Variants in BRCA2 observed in about 807,000 individuals in gnomAD.
BRCA2 encodes the protein breast cancer type 2 susceptibility protein.
A neutral mutation model predicts 276.7 loss-of-function variants in BRCA2; 203 were observed. The observed-to-expected ratio is 0.73, with a 90% CI of 0.65 to 0.82. The LOEUF (loss-of-function observed/expected upper bound fraction) is 0.82. Ranked by LOEUF, BRCA2 falls within the 40% of genes least tolerant of loss-of-function variation. The pLI is 0.00. For missense variants in BRCA2, 3,920 were observed against 3,915.0 expected (o/e 1.00, Z -0.03); for synonymous variants, 1,289 against 1,338.4 (o/e 0.96, Z 0.81).
In BRCA2 at chr13:32,337,283, C is replaced by T. The variant is rs1201111359; in HGVS notation, c.2928C>T (p.Ser976=). 1 of 1,612,290 alleles carries T rather than the reference C, an allele frequency of 6.2e-7. No homozygotes were observed. The highest frequency in any genetic ancestry group is 8.5e-7 in the Non-Finnish European group (1 of 1,179,526). The change falls in exon 11 of 27, where the codon TCC becomes TCT. Residue 976 remains serine, a synonymous_variant. Coordinates refer to ENST00000380152, the MANE Select transcript of BRCA2 (RefSeq NM_000059.4). ...TLGQDLKSDI[S]LNIDKIPEKN... is the part of the protein sequence containing the mutation. ...GTCAAGATTTAAAATCGGACATCTC[C>T]TTGAATATAGATAAAATACCAGAAA...
intron 21 of BRCA2, 69 bp downstream of exon 21, chr13:32,376,860 C>G (rs2137613984): frequency 6.3e-7 from 1 of 1,586,484 alleles, no homozygotes; most frequent in South Asian, 1.1e-5. Flanking sequence ...TTTAGACTCT[C>G]TGGCCATCAC....
Position 32,362,648 on chromosome 13 carries a change from A to G in BRCA2, c.7931A>G (p.Asn2644Ser), listed in dbSNP as rs80359020. 3.7e-6 allele frequency: 6 copies of G among 1,614,116 alleles called. No homozygotes were observed. Among genetic ancestry groups the G allele is most frequent in the Admixed American group, 1.7e-5 (1 of 60,012 alleles). Reference sequence around the variant, plus strand: ...TGTGCCTTTCCTAAGGAATTTGCTAATAGATGCCTAAGCCCAGAAAGGGTG... The same window carrying G: ...TGTGCCTTTCCTAAGGAATTTGCTAGTAGATGCCTAAGCCCAGAAAGGGTG... ...MECAFPKEFA[N>S]RCLSPERVLL... Residue 2644 changes from asparagine (N) to serine (S), a missense_variant, in exon 17 of 27, where the codon AAT becomes AGT. Physicochemically the swap from Asn to Ser is conservative, Grantham distance 46. This residue lies in a region of BRCA2 where 3,263 missense variants were observed against 3,156.9 expected (regional missense o/e 1.03). Coordinates refer to ENST00000380152, the MANE Select transcript of BRCA2 (RefSeq NM_000059.4).
rs2138697797 is a variant in BRCA2 at position 32,316,441 on chromosome 13, G to A, written c.-20G>A. The A allele has an allele frequency of 6.2e-7, 1 of 1,608,012 alleles. No homozygotes were observed. Among genetic ancestry groups the A allele is most frequent in the Non-Finnish European group, 8.5e-7 (1 of 1,174,488 alleles). ...TTGCAGACTTATTTACCAAGCATTG[G>A]AGGAATATCGTAGGTAAAAATGCCT... On this transcript the variant is annotated 5_prime_UTR_variant, in exon 2 of 27. Transcript: ENST00000380152.
Position 32,339,156 on chromosome 13 carries a change from G to C in BRCA2, c.4801G>C (p.Asp1601His), listed in dbSNP as rs748358660. ...AGAAATGCAGAATTCTCTCAATAAT[G>C]ATAAAAACCTTGTTTCTATTGAGAC... ...CKEMQNSLNN[D>H]KNLVSIETVV... The change falls in exon 11 of 27, where the codon GAT becomes CAT. Residue 1601 changes from aspartate to histidine, a missense_variant. By Grantham distance (81) the Asp-to-His change is moderately conservative. Around this residue, in one of 2 missense-constraint regions of BRCA2, gnomAD observed 3,263 missense variants for 3,156.9 expected, o/e 1.03. Transcript: ENST00000380152. 1.2e-6 allele frequency: 2 copies of C among 1,613,862 alleles called. No homozygotes were observed. The highest frequency in any genetic ancestry group is 1.7e-6 in the Non-Finnish European group (2 of 1,179,890).
At position 32,337,559 on chromosome 13, in the gene BRCA2, A is replaced by G. The variant is rs1593898891; in HGVS notation, c.3204A>G (p.Val1068=). 1.2e-6 allele frequency: 2 copies of G among 1,607,296 alleles called. No homozygotes were observed. The highest frequency in any genetic ancestry group is 8.5e-7 in the Non-Finnish European group (1 of 1,176,504). ...GCAAGCCTCAGTCAATTAATACTGT[A>G]TCTGCACATTTACAGAGTAGTGTAG... is the stretch of plus-strand genomic sequence containing the variant. ...KLSKPQSINT[V]SAHLQSSVVV... The change falls in exon 11 of 27, where the codon GTA becomes GTG. Residue 1068 remains valine, a synonymous_variant. Transcript: ENST00000380152.
intron 2 of BRCA2, among the ~76,000 whole-genome samples, chr13:32,317,933 A>G (rs2072275482): frequency 1.3e-5 from 2 of 152,252 alleles, no homozygotes; most frequent in Non-Finnish European, 2.9e-5. Context: ...TTTTCTAGGC[A>G]GTATTGTACT....
At chr13:32,393,132 A>G (rs2073008662) in intron 24 of BRCA2, among the ~76,000 whole-genome samples, 1 of 152,206 alleles carries the variant, frequency 6.6e-6, no homozygotes, top group Non-Finnish European at 1.5e-5. Flanking sequence ...TCACTTGATT[A>G]AGGTGATAAT....
chr13:32,376,070 A>T (rs909190262), intron 20 of BRCA2, among the ~76,000 whole-genome samples: 1 of 152,208 alleles, frequency 6.6e-6, no homozygotes, highest in African/African-American at 2.4e-5. Flanking sequence ...ACAAACCTTC[A>T]ATTTGTGTTT....
In BRCA2 at chr13:32,355,223, T is replaced by G. The variant is rs876661273; in HGVS notation, c.7370T>G (p.Phe2457Cys). ...NKINDNEIHQ[F>C]NKNNSNQAVA... ...ATTAATGACAATGAGATTCATCAGTTTAACAAAAACAACTCCAATCAAGCA... is the reference window on the plus strand; with the variant it reads ...ATTAATGACAATGAGATTCATCAGTGTAACAAAAACAACTCCAATCAAGCA... Residue 2457 changes from phenylalanine to cysteine, a missense_variant, in exon 14 of 27, where the codon TTT (phenylalanine) becomes TGT (cysteine). Physicochemically the swap from Phe to Cys is radical, Grantham distance 205 (BLOSUM62 -2). Coordinates refer to ENST00000380152, the MANE Select transcript of BRCA2 (RefSeq NM_000059.4). 1 of 1,613,030 alleles carries G rather than the reference T, an allele frequency of 6.2e-7. No homozygotes were observed.
rs80358953 is a variant in BRCA2 at position 32,355,105 on chromosome 13, A to G, written c.7252A>G (p.Arg2418Gly). The change falls in exon 14 of 27, where the codon AGA becomes GGA. Residue 2418 changes from arginine to glycine, a missense_variant. Physicochemically the swap from Arg to Gly is moderately radical, Grantham distance 125. Coordinates refer to ENST00000380152, the MANE Select transcript of BRCA2 (RefSeq NM_000059.4). ...PPFKTKSHFH[R>G]VEQCVRNINL... ...TTTTAAAACTAAATCACATTTTCAC[A>G]GAGTTGAACAGTGTGTTAGGAATAT... is the stretch of plus-strand genomic sequence containing the variant. 1.9e-6 allele frequency: 3 copies of G among 1,613,684 alleles called. No individual in the cohort carries two copies. The highest frequency in any genetic ancestry group is 1.7e-6 in the Non-Finnish European group (2 of 1,179,610).
rs979372317 is a variant in BRCA2, at chr13:32,337,044, G to C, written c.2689G>C (p.Glu897Gln). ...TAATTTTGTCTTCCAAGTAGCTAAT[G>C]AAAGGAATAATCTTGCTTTAGGAAA... The part of the protein sequence containing the change: ...ENNFVFQVAN[E>Q]RNNLALGNTK... The change falls in exon 11 of 27, where the codon GAA becomes CAA. Residue 897 changes from glutamate (E) to glutamine (Q), a missense_variant. Physicochemically the swap from Glu to Gln is conservative, Grantham distance 29 (BLOSUM62 2). This residue lies in a region of BRCA2 where 3,263 missense variants were observed against 3,156.9 expected (regional missense o/e 1.03). Transcript: ENST00000380152. 6.2e-6 allele frequency: 10 copies of C among 1,600,532 alleles called. No homozygotes were observed. The highest frequency in any genetic ancestry group is 7.7e-6 in the Non-Finnish European group (9 of 1,175,710).
intron 11 of BRCA2, among the ~76,000 whole-genome samples, chr13:32,343,142 G>T (rs1324065295): frequency 6.6e-6 from 1 of 151,986 alleles, no homozygotes; most frequent in Non-Finnish European, 1.5e-5. Flanking sequence ...TCATTATGTG[G>T]CAAATGACTG....
intron 18 of BRCA2, among the ~76,000 whole-genome samples, chr13:32,367,055 CACT>C (rs1861132717): frequency 6.6e-6 from 1 of 152,096 alleles, no homozygotes; most frequent in South Asian, 2.1e-4. Flanking sequence ...AAGCATCAAA[CACT>C]ACTAGTGTCA....
intron 19 of BRCA2, 81 bp downstream of exon 19, chr13:32,370,638 C>A (rs1195466069): frequency 6.8e-7 from 1 of 1,467,294 alleles, no homozygotes; most frequent in Non-Finnish European, 9.4e-7. Flanking sequence ...GATGGAGTTT[C>A]GGTCTCTTGC....
intron 21 of BRCA2, among the ~76,000 whole-genome samples, chr13:32,378,146 A>C (rs986488937): frequency 7.2e-5 from 11 of 152,246 alleles, no homozygotes; most frequent in Non-Finnish European, 2.9e-5. Context: ...TCATGAAGAT[A>C]GCTTTAATTT....
In BRCA2 at chr13:32,398,849, C is replaced by T. The variant is rs2137668717; in HGVS notation, c.*79C>T. ...GACTGGAATATAATTTCAAACCACA[C>T]ATTAGTACTTATGTTGCACAATGAG... On this transcript the variant is annotated 3_prime_UTR_variant, in exon 27 of 27. Transcript: ENST00000380152. 2.0e-6 allele frequency: 3 copies of T among 1,515,964 alleles called. No homozygotes were observed. Among genetic ancestry groups the T allele is most frequent in the Non-Finnish European group, 2.7e-6 (3 of 1,118,532 alleles). The allele number at this position is 1,515,964 out of a possible 1,614,324, so 93.9% of individuals were successfully genotyped here. A position where few individuals can be genotyped will look rare whatever the true frequency, so the allele number is the denominator to read the frequency against.
rs1566229484 is a variant in BRCA2 at position 32,338,341 on chromosome 13, G to C, written c.3986G>C (p.Arg1329Thr). The change falls in exon 11 of 27, where the codon AGA becomes ACA. Residue 1329 changes from arginine (R) to threonine (T), a missense_variant. Transcript: ENST00000380152. ...NEDNKYTAASRNSHNLEFDGS... is the reference protein window; with the variant it reads ...NEDNKYTAASTNSHNLEFDGS... ...GATAACAAATATACTGCTGCCAGTA[G>C]AAATTCTCATAACTTAGAATTTGAT... 1 of 1,584,604 alleles carries C rather than the reference G, an allele frequency of 6.3e-7. No homozygotes were observed. Among genetic ancestry groups the C allele is most frequent in the Non-Finnish European group, 8.6e-7 (1 of 1,168,136 alleles).
At position 32,315,671 on chromosome 13, in the gene BRCA2, A is replaced by AGTG. The variant is rs2072249252; in HGVS notation, c.-40+13_-40+15dup. The AGTG allele has an allele frequency of 6.6e-6, 1 of 152,464 alleles. No individual in the cohort carries two copies. Among genetic ancestry groups the AGTG allele is most frequent in the African/African-American group, 2.4e-5 (1 of 41,454 alleles). The allele number at this position is 152,464 out of a possible 1,614,324, so 9.4% of individuals were successfully genotyped here. ...AAGAACTGCACCTCTGGAGCGGGTTAGTGGTGGTGGTAGTGGGTTGGGACG... is the reference window on the plus strand; with the variant it reads ...AAGAACTGCACCTCTGGAGCGGGTTAGTGGTGGTGGTGGTAGTGGGTTGGGACG... On this transcript the variant is annotated splice_donor_region_variant and intron_variant, in intron 1 of 26. Transcript: ENST00000380152.
At chr13:32,382,506 C>A (rs1296606172) in intron 24 of BRCA2, among the ~76,000 whole-genome samples, 1 of 152,076 alleles carries the variant, frequency 6.6e-6, no homozygotes, top group African/African-American at 2.4e-5. Flanking sequence ...ATTAAGTCTG[C>A]CAAATGCTAT....
Sources: allele counts gnomAD v4.1 joint callset (sites outside exome capture counted in the v4.1 genomes callset), GRCh38; gene constraint gnomAD v4.1.1; regional missense constraint gnomAD v4.1.1; transcripts MANE v1.5; gene names NCBI Gene and HGNC (gene_info 2026-07-23, HGNC 2026-07-21).